Variants in FTCD observed in about 807,000 individuals in gnomAD.
FTCD encodes the protein formimidoyltransferase-cyclodeaminase.
A neutral mutation model predicts 62.9 loss-of-function variants in FTCD; 76 were observed. The ratio of observed to expected loss-of-function variants is 1.21; its 90% CI spans 1.00 to 1.46. FTCD has a LOEUF of 1.46. Ranked by LOEUF, FTCD falls within the 40% of genes most tolerant of loss-of-function variation. The probability of loss-of-function intolerance (pLI) is 0.00; values close to 1 mark genes in which losing one functional copy is unlikely to be tolerated. For synonymous variants in FTCD, 397 were observed against 336.9 expected (o/e 1.18, Z -1.95); for missense variants, 845 against 751.3 (o/e 1.12, Z -1.46).
chr21:46,153,990 C>T (rs1359835327), intron 2 of FTCD, among the ~76,000 whole-genome samples, 159 bp downstream of exon 2: 5 of 152,182 alleles, frequency 3.3e-5, no homozygotes, highest in Non-Finnish European at 7.4e-5. Context: ...CCATGACCCC[C>T]ACACTCCAGG....
chr21:46,152,932 C>T lies in FTCD; in HGVS notation c.342G>A (p.Arg114=), dbSNP rs753249577. 4 of 1,567,042 alleles carry T rather than the reference C, an allele frequency of 2.6e-6. No individual in the cohort carries two copies. Among genetic ancestry groups the T allele is most frequent in the African/African-American group, 2.7e-5 (2 of 74,210 alleles). ...CVLCAQAFGQ[R]LAEELDVPVY... is the part of the protein sequence containing the mutation. ...CTGGCACGTCCAGCTCCTCTGCCAG[C>T]CTCTGGCCAAAGGCCTGGGCGCAGA... Residue 114 remains arginine (R), a synonymous_variant, in exon 3 of 14, where the codon AGG becomes AGA. Coordinates refer to ENST00000397746, the MANE Select transcript of FTCD (RefSeq NM_206965.2).
Position 46,137,308 on chromosome 21 carries a change from G to A in FTCD, c.1470C>T (p.Gly490=), listed in dbSNP as rs10432965. The A allele has an allele frequency of 0.058, 94,254 of 1,613,008 alleles. 7,010 individuals are homozygous for A. The highest frequency in any genetic ancestry group is 0.4 in the East Asian group (17,982 of 44,830). ...GCACGTTGAAATATGCGCCAAACACGCCCATCTCCAGGGCTTTGGCCGCCA... is the reference window on the plus strand; with the variant it reads ...GCACGTTGAAATATGCGCCAAACACACCCATCTCCAGGGCTTTGGCCGCCA... The part of the protein sequence containing the change: ...LQVAAKALEM[G]VFGAYFNVLI... The change falls in exon 13 of 14, where the codon GGC becomes GGT. Residue 490 remains glycine (G), a synonymous_variant. Coordinates refer to ENST00000397746, the MANE Select transcript of FTCD (RefSeq NM_206965.2).
intron 12 of FTCD, 123 bp from the exon 13 acceptor site, chr21:46,137,457 C>A (rs558393682): frequency 1.0e-4 from 82 of 782,134 alleles, no homozygotes; most frequent in Non-Finnish European, 1.7e-4. Context: ...AGGAGCCCAG[C>A]GCAGCCCCCG....
Position 46,146,393 on chromosome 21 carries a change from C to T in FTCD, c.907-66G>A, listed in dbSNP as rs571267360. 427 of 1,110,736 alleles carry T rather than the reference C, an allele frequency of 3.8e-4. 7 individuals are homozygous for T. In the South Asian group the frequency reaches 5.5e-3, roughly 14 times the overall value. The allele number at this position is 1,110,736 out of a possible 1,614,324, so 68.8% of individuals were successfully genotyped here. On this transcript the variant is annotated intron_variant, in intron 7 of 13. Coordinates refer to ENST00000397746, the MANE Select transcript of FTCD (RefSeq NM_206965.2). Reference sequence around the variant, plus strand: ...TCCACCACCAGGAAAGCCTCGGAACCCGCGGGTCCCACCCTTGCGGCAGCC... The same window carrying T: ...TCCACCACCAGGAAAGCCTCGGAACTCGCGGGTCCCACCCTTGCGGCAGCC...
Position 46,154,177 on chromosome 21 carries a change from G to A in FTCD, c.210C>T (p.Ser70=), listed in dbSNP as rs373423163. The A allele has an allele frequency of 1.9e-6, 3 of 1,612,764 alleles. No individual in the cohort carries two copies. Among genetic ancestry groups the A allele is most frequent in the Non-Finnish European group, 2.5e-6 (3 of 1,180,006 alleles). The change falls in exon 2 of 14, where the codon TCC becomes TCT. Residue 70 remains serine, a synonymous_variant. Coordinates refer to ENST00000397746, the MANE Select transcript of FTCD (RefSeq NM_206965.2). ...EGALNAARVA[S]RLIDMSRHQG... ...GGTGCCTGCTCATGTCGATAAGTCG[G>A]GAAGCTACCCGGGCAGCGTTGAGGG...
chr21:46,145,395 C>A, intron 10 of FTCD, 22 bp downstream of exon 10: 1 of 1,529,220 alleles, frequency 6.5e-7, no homozygotes. Flanking sequence ...GCCCGGGGAG[C>A]CCTGCTGTGG....
chr21:46,136,328 T>C (rs1180964455), downstream of FTCD: 2 of 986,526 alleles, frequency 2.0e-6, no homozygotes, highest in Admixed American at 2.1e-5. Context: ...GGCAGGGAGC[T>C]GAGGCAGGGA....
chr21:46,155,439 C>T (rs755860422), intron 1 of FTCD, 31 bp downstream of exon 1: 1 of 1,590,222 alleles, frequency 6.3e-7, no homozygotes, highest in Admixed American at 1.7e-5. Flanking sequence ...CCCATCAGCC[C>T]TAGATGCTTG....
At chr21:46,146,185 C>T (rs2079143021) in intron 8 of FTCD, 81 bp downstream of exon 8, 1 of 1,034,722 alleles carries the variant, frequency 9.7e-7, no homozygotes, top group Non-Finnish European at 1.5e-6. Context: ...CGGGTCTCCA[C>T]GCAGGGACCC....
chr21:46,145,390 G>C (rs1200575884), intron 10 of FTCD, 27 bp downstream of exon 10: 1 of 1,523,622 alleles, frequency 6.6e-7, no homozygotes, highest in Non-Finnish European at 8.8e-7. Context: ...GTGGGGCCCG[G>C]GGAGCCCTGC....
chr21:46,153,724 C>G (rs1176490674), intron 2 of FTCD, among the ~76,000 whole-genome samples: 1 of 152,240 alleles, frequency 6.6e-6, no homozygotes, highest in Non-Finnish European at 1.5e-5. Context: ...GTCCACACAC[C>G]TTTGGCCCTG....
In FTCD at chr21:46,145,948, C is replaced by T; in HGVS notation, c.969-1G>A. 6.7e-7 allele frequency: 1 copy of T among 1,493,450 alleles called. No homozygotes were observed. The highest frequency in any genetic ancestry group is 8.9e-7 in the Non-Finnish European group (1 of 1,124,536). 92.5% of individuals were successfully genotyped at this position (1,493,450 alleles called of 1,614,324 possible). A position where few individuals can be genotyped will look rare whatever the true frequency, so the allele number is the denominator to read the frequency against. On this transcript the variant is annotated splice_acceptor_variant, in intron 8 of 13. Transcript: ENST00000397746. LOFTEE classifies it high-confidence loss of function. Reference sequence around the variant, plus strand: ...AGGCCCGCGCTCAGGGACCAGGTACCTGCAGGGTGGGCGCGGCTCAGCGGG... The same window carrying T: ...AGGCCCGCGCTCAGGGACCAGGTACTTGCAGGGTGGGCGCGGCTCAGCGGG...
chr21:46,151,710 A>G lies in FTCD; in HGVS notation c.484T>C (p.Phe162Leu). ...CTGGGGACAAAGGAGCTGGGACCAA[A>G]GTCGGGCGCCCAGTCGGCCTGCTGG... ...KLQQADWAPD[F>L]GPSSFVPSWG... The change falls in exon 5 of 14, where the codon TTT becomes CTT. Residue 162 changes from phenylalanine (F) to leucine (L), a missense_variant. By Grantham distance (22) the Phe-to-Leu change is conservative (BLOSUM62 0). Transcript: ENST00000397746. The G allele has an allele frequency of 1.2e-6, 2 of 1,612,938 alleles. No individual in the cohort carries two copies. The highest frequency in any genetic ancestry group is 1.7e-6 in the Non-Finnish European group (2 of 1,179,960).
At position 46,149,562 on chromosome 21, in the gene FTCD, C is replaced by G. The variant is rs947665985; in HGVS notation, c.906+557G>C. 2.0e-5 allele frequency among the ~76,000 whole-genome samples: 3 copies of G among 152,162 alleles called. No homozygotes were observed. The East Asian group carries it at 5.8e-4, about 29-fold the overall frequency. On this transcript the variant is annotated intron_variant, in intron 7 of 13. Transcript: ENST00000397746. ...GAGTGAAAGGACAGACCAAGGCGGA[C>G]AGCGGCTCTGCAGTGACCTCGAGTG...
chr21:46,149,511 A>C (rs988972374), intron 7 of FTCD, among the ~76,000 whole-genome samples: 4 of 152,232 alleles, frequency 2.6e-5, no homozygotes, highest in African/African-American at 9.6e-5. Flanking sequence ...TTATTGCGAA[A>C]AACACACCTA....
intron 9 of FTCD, 82 bp downstream of exon 9, chr21:46,145,736 G>T (rs1413518614): frequency 1.6e-5 from 4 of 256,468 alleles, no homozygotes; most frequent in Non-Finnish European, 2.5e-5. Flanking sequence ...CCCACCCCGT[G>T]CCCTCCCCCC....
Position 46,154,215 on chromosome 21 carries a change from C to T in FTCD, c.172G>A (p.Val58Met), listed in dbSNP as rs749659966. The T allele has an allele frequency of 1.1e-5, 17 of 1,612,764 alleles. No individual in the cohort carries two copies. Among genetic ancestry groups the T allele is most frequent in the Admixed American group, 1.7e-5 (1 of 60,016 alleles). ...VYTFVGPPECVVEGALNAARV... is the reference protein window; with the variant it reads ...VYTFVGPPECMVEGALNAARV... ...GCAGCGTTGAGGGCCCCCTCCACCA[C>T]GCACTCCGGCGGCCCCACGAAGGTG... The change falls in exon 2 of 14, where the codon GTG (valine) becomes ATG (methionine). Residue 58 changes from valine to methionine, a missense_variant. Physicochemically the swap from Val to Met is conservative, Grantham distance 21. Coordinates refer to ENST00000397746, the MANE Select transcript of FTCD (RefSeq NM_206965.2).
chr21:46,145,757 T>TCCCCCCAACAGCGCCC (rs2079128450), intron 9 of FTCD, 61 bp downstream of exon 9: 2 of 341,060 alleles, frequency 5.9e-6, no homozygotes, highest in East Asian at 7.1e-5. Flanking sequence ...AACAGCGCCC[T>TCCCCCCAACAGCGCCC]TCCCCCTCCC....
At chr21:46,154,735 G>A (rs1053004154) in intron 1 of FTCD, among the ~76,000 whole-genome samples, 3 of 152,260 alleles carry the variant, frequency 2.0e-5, no homozygotes, top group Non-Finnish European at 2.9e-5. Flanking sequence ...GGGGCCTGAA[G>A]GGCCTAGAAC....
Sources: gnomAD v4.1 joint callset for allele counts (sites outside exome capture counted in the v4.1 genomes callset) on GRCh38, gnomAD v4.1.1 for gene constraint, MANE v1.5 for transcripts, NCBI Gene and HGNC (gene_info 2026-07-23, HGNC 2026-07-21) for gene names.